SLC4A4: variants seen among roughly 807,000 people sequenced by gnomAD.
SLC4A4 encodes electrogenic sodium bicarbonate cotransporter 1.
In SLC4A4, 27 loss-of-function variants were observed where a neutral mutation model predicts 111.5. The observed-to-expected ratio is 0.24, with a 90% confidence interval of 0.18 to 0.33. The LOEUF (loss-of-function observed/expected upper bound fraction) is 0.33, where lower values mean the gene tolerates loss of function less well. Ranked by LOEUF, SLC4A4 falls within the 10% of genes least tolerant of loss-of-function variation. The probability of loss-of-function intolerance (pLI) is 1.00; values close to 1 mark genes in which losing one functional copy is unlikely to be tolerated. For missense variants in SLC4A4, 909 were observed against 1,315.5 expected (o/e 0.69, Z 4.78); for synonymous variants, 443 against 463.4 (o/e 0.96, Z 0.57).
At chr4:71,386,422 A>G (rs4637367) in intron 6 of SLC4A4, among the ~76,000 whole-genome samples, 3,795 of 152,032 alleles carry the variant, frequency 0.025, 157 homozygotes, top group East Asian at 0.15. Context: ...TCTCTCTACA[A>G]TTTTCCTTGT....
intron 2 of SLC4A4, among the ~76,000 whole-genome samples, chr4:71,105,592 G>C (rs1164780360): frequency 6.9e-6 from 1 of 145,884 alleles, no homozygotes; most frequent in African/African-American, 2.6e-5. Flanking sequence ...CAATGGAACA[G>C]AACAGAGCCC....
At chr4:71,199,102 A>G (rs1003566099) in intron 1 of SLC4A4, among the ~76,000 whole-genome samples, 7 of 152,202 alleles carry the variant, frequency 4.6e-5, no homozygotes, top group African/African-American at 1.4e-4. Flanking sequence ...CAAGTCACTT[A>G]TCATTTTGTA....
At chr4:71,260,083 G>A (rs1721741903) in intron 3 of SLC4A4, among the ~76,000 whole-genome samples, 1 of 152,160 alleles carries the variant, frequency 6.6e-6, no homozygotes, top group East Asian at 1.9e-4. Context: ...CAGAACTGAT[G>A]GATTTATGCT....
intron 2 of SLC4A4, among the ~76,000 whole-genome samples, chr4:71,112,740 G>A (rs1292368910): frequency 1.3e-5 from 2 of 152,012 alleles, no homozygotes; most frequent in Admixed American, 1.3e-4. Flanking sequence ...GTGGGACCTG[G>A]GAATCTCTCT....
At chr4:71,275,973 A>G (rs930039019) in intron 3 of SLC4A4, among the ~76,000 whole-genome samples, 15 of 152,346 alleles carry the variant, frequency 9.8e-5, no homozygotes, top group South Asian at 6.2e-4. Flanking sequence ...AAACGAATGA[A>G]CATGAGAATA....
intron 6 of SLC4A4, among the ~76,000 whole-genome samples, chr4:71,371,868 T>C (rs16846308): frequency 0.022 from 3,282 of 152,298 alleles, 113 homozygotes; most frequent in East Asian, 0.12. Context: ...TGTTGACCCT[T>C]GATACTCCAT....
chr4:71,366,969 G>A (rs1426542057), intron 6 of SLC4A4, among the ~76,000 whole-genome samples: 2 of 152,226 alleles, frequency 1.3e-5, no homozygotes, highest in South Asian at 2.1e-4. Context: ...GTCAGGCTTT[G>A]CTAAAACACA....
intron 2 of SLC4A4, among the ~76,000 whole-genome samples, chr4:71,136,661 A>G (rs763177805): frequency 2.0e-5 from 3 of 152,204 alleles, no homozygotes; most frequent in Non-Finnish European, 4.4e-5. Flanking sequence ...TTAACTATGT[A>G]ACTTTGAGCA....
At chr4:71,332,029 C>T (rs1728042180) in intron 3 of SLC4A4, among the ~76,000 whole-genome samples, 1 of 152,126 alleles carries the variant, frequency 6.6e-6, no homozygotes, top group Admixed American at 6.5e-5. Context: ...TAATGTCTGC[C>T]TATTCATCTC....
intron 2 of SLC4A4, among the ~76,000 whole-genome samples, chr4:71,176,493 T>C (rs1472952833): frequency 1.3e-5 from 2 of 152,162 alleles, no homozygotes; most frequent in Non-Finnish European, 2.9e-5. Context: ...AAAGACCTGA[T>C]GGAGCTGAAA....
rs79317751 is a variant in SLC4A4, at chr4:71,193,469, T to G, written c.-2+6068T>G. ...CCACCGCGCCCGGCCCATGTGGGAA[T>G]TTCAGTTGTGTGTTTTCCCAGTTTA... On this transcript the variant is annotated intron_variant, in intron 1 of 25. Coordinates refer to ENST00000264485, the MANE Select transcript of SLC4A4 (RefSeq NM_001098484.3). Among the ~76,000 whole-genome samples the G allele has an allele frequency of 9.0e-3, 1,378 of 152,308 alleles. 25 individuals are homozygous for G. Among genetic ancestry groups the G allele is most frequent in the African/African-American group, 0.031 (1,281 of 41,566 alleles).
intron 3 of SLC4A4, among the ~76,000 whole-genome samples, chr4:71,258,888 C>T (rs757119009): frequency 6.6e-6 from 1 of 152,154 alleles, no homozygotes; most frequent in African/African-American, 2.4e-5. Context: ...TGAAACTGAA[C>T]CGCAAGGCAC....
At chr4:71,325,759 T>C (rs924064791) in intron 3 of SLC4A4, among the ~76,000 whole-genome samples, 3 of 151,998 alleles carry the variant, frequency 2.0e-5, no homozygotes, top group African/African-American at 7.2e-5. Flanking sequence ...CATAGGGCCT[T>C]GTGGATTAAA....
chr4:71,316,162 G>T (rs1726659218), intron 3 of SLC4A4, among the ~76,000 whole-genome samples: 2 of 152,172 alleles, frequency 1.3e-5, no homozygotes, highest in African/African-American at 4.8e-5. Flanking sequence ...CAGTATCTCA[G>T]TAGGAACTAG....
At chr4:71,265,718 A>G (rs1183477008) in intron 3 of SLC4A4, among the ~76,000 whole-genome samples, 2 of 152,122 alleles carry the variant, frequency 1.3e-5, no homozygotes, top group African/African-American at 4.8e-5. Context: ...ATGATTTTCA[A>G]ATGATCATAG....
chr4:71,302,421 C>T (rs1289477443), intron 3 of SLC4A4, among the ~76,000 whole-genome samples: 2 of 152,148 alleles, frequency 1.3e-5, no homozygotes. Flanking sequence ...TTTCTCTATG[C>T]TCATAATGAT....
intron 2 of SLC4A4, among the ~76,000 whole-genome samples, chr4:71,116,959 T>C (rs1337419260): frequency 3.4e-5 from 5 of 146,732 alleles, no homozygotes; most frequent in African/African-American, 1.3e-4. Flanking sequence ...AAAAAAAAAA[T>C]GCTTGTAAAA....
chr4:71,563,946 A>T (rs927051941), intron 24 of SLC4A4, 57 bp downstream of exon 24: 13 of 1,172,826 alleles, frequency 1.1e-5, no homozygotes, highest in African/African-American at 4.5e-5. Flanking sequence ...CTTACAGAGA[A>T]AACACTTTAG....
intron 18 of SLC4A4, among the ~76,000 whole-genome samples, chr4:71,541,274 G>C (rs575917295): frequency 2.0e-5 from 3 of 152,118 alleles, no homozygotes; most frequent in African/African-American, 7.2e-5. Flanking sequence ...TTTTAAAAAA[G>C]ATTCATTCGT....
Sources: gnomAD v4.1 joint callset for allele counts (sites outside exome capture counted in the v4.1 genomes callset) on GRCh38, gnomAD v4.1.1 for gene constraint, MANE v1.5 for transcripts, NCBI Gene and HGNC (gene_info 2026-07-23, HGNC 2026-07-21) for gene names.